The following RABGGTB variants were observed in gnomAD, a reference collection of about 807,000 sequenced individuals.
RABGGTB encodes Rab geranylgeranyltransferase subunit beta.
A neutral mutation model predicts 44.5 loss-of-function variants in RABGGTB; 20 were observed. The ratio of observed to expected loss-of-function variants is 0.45; its 90% CI spans 0.32 to 0.65. The LOEUF (loss-of-function observed/expected upper bound fraction) is 0.65. Ranked by LOEUF, RABGGTB falls within the 30% of genes least tolerant of loss-of-function variation. RABGGTB has a pLI of 0.05. For missense variants in RABGGTB, 302 were observed against 398.7 expected, an observed-to-expected ratio of 0.76 and a Z score of 2.06; for synonymous variants, 128 against 136.7, an observed-to-expected ratio of 0.94 and a Z score of 0.44.
rs538306436 is a variant in RABGGTB, at chr1:75,791,410, G to A, written c.469-51G>A. 2.2e-5 allele frequency: 33 copies of A among 1,519,442 alleles called. No homozygotes were observed. In the South Asian group the frequency reaches 3.6e-4, roughly 16 times the overall value. 94.1% of individuals were successfully genotyped at this position (1,519,442 alleles called of 1,614,324 possible). A position where few individuals can be genotyped will look rare whatever the true frequency, so the allele number is the denominator to read the frequency against. ...TGGAATTTTTTTTTTTTTTGAGTCT[G>A]ATCTGCTGAATACTCTGGAATTTAA... On this transcript the variant is annotated intron_variant, in intron 5 of 8. Coordinates refer to ENST00000319942, the MANE Select transcript of RABGGTB (RefSeq NM_004582.4).
At chr1:75,787,216 T>G in intron 1 of RABGGTB, 2 of 628,256 alleles carry the variant, frequency 3.2e-6, no homozygotes, top group Non-Finnish European at 5.9e-6. Context: ...TTGGATACAA[T>G]TTGTTGTTGT....
chr1:75,791,683 G>A (rs1251911346), intron 6 of RABGGTB, 112 bp downstream of exon 6: 23 of 866,184 alleles, frequency 2.7e-5, no homozygotes, highest in Middle Eastern at 3.5e-4. Context: ...TAATTCGACT[G>A]TAATAGGGCA....
chr1:75,787,555 A>C lies in RABGGTB; in HGVS notation c.62A>C (p.Glu21Ala). 6.2e-7 allele frequency: 1 copy of C among 1,614,014 alleles called. No homozygotes were observed. Among genetic ancestry groups the C allele is most frequent in the Non-Finnish European group, 8.5e-7 (1 of 1,179,894 alleles). ...GATGCACCGGACACTTTGTTATTGG[A>C]GAAACATGCAGATTATATCGCATCC... Reference protein sequence around the residue: ...KSDAPDTLLLEKHADYIASYG... With the variant: ...KSDAPDTLLLAKHADYIASYG... Residue 21 changes from glutamate (E) to alanine (A), a missense_variant, in exon 2 of 9, where the codon GAG becomes GCG. Physicochemically the swap from Glu to Ala is moderately radical, Grantham distance 107. Transcript: ENST00000319942.
rs1255278666 is a variant in RABGGTB at position 75,794,977 on chromosome 1, G to A, written c.*327G>A. 1 of 226,938 alleles carries A rather than the reference G, an allele frequency of 4.4e-6. No individual in the cohort carries two copies. Among genetic ancestry groups the A allele is most frequent in the African/African-American group, 2.3e-5 (1 of 42,554 alleles). 14.1% of individuals were successfully genotyped at this position (226,938 alleles called of 1,614,324 possible). On this transcript the variant is annotated 3_prime_UTR_variant, in exon 9 of 9. Coordinates refer to ENST00000319942, the MANE Select transcript of RABGGTB (RefSeq NM_004582.4). ...ATACCTTTCATCTGTTCTATAGCAAGTTGATGTAAATTGGTTTGTCAACAA... is the reference window on the plus strand; with the variant it reads ...ATACCTTTCATCTGTTCTATAGCAAATTGATGTAAATTGGTTTGTCAACAA...
intron 4 of RABGGTB, 154 bp from the exon 5 acceptor site, chr1:75,791,131 A>G: frequency 1.5e-6 from 1 of 654,960 alleles, no homozygotes; most frequent in Non-Finnish European, 2.7e-6. Flanking sequence ...CTTGGGAAGT[A>G]AAGGCACTTC....
Position 75,786,263 on chromosome 1 carries a change from C to G in RABGGTB, c.-9C>G, listed in dbSNP as rs376870769. 42 of 1,614,090 alleles carry G rather than the reference C, an allele frequency of 2.6e-5. No individual in the cohort carries two copies. In the Admixed American group the frequency reaches 6.2e-4, roughly 24 times the overall value. On this transcript the variant is annotated 5_prime_UTR_variant, in exon 1 of 9. Transcript: ENST00000319942. ...GAACTGACCCTGCTCTCTCCTTTCCCTGTTAGACATGGTAAGTGTGAGTTT... is the reference window on the plus strand; with the variant it reads ...GAACTGACCCTGCTCTCTCCTTTCCGTGTTAGACATGGTAAGTGTGAGTTT...
intron 2 of RABGGTB, chr1:75,788,169 A>G (rs1195671266): frequency 3.5e-6 from 1 of 281,902 alleles, no homozygotes; most frequent in African/African-American, 2.2e-5. Context: ...TAACCTTGAA[A>G]ATACTCTATT....
chr1:75,787,290 C>T, intron 1 of RABGGTB: 1 of 621,118 alleles, frequency 1.6e-6, no homozygotes, highest in Middle Eastern at 2.9e-4. Flanking sequence ...TGCAGTGACA[C>T]AACCTCAGTT....
At chr1:75,790,466 A>G in intron 4 of RABGGTB, 1 of 1,053,464 alleles carries the variant, frequency 9.5e-7, no homozygotes, top group Non-Finnish European at 1.1e-6. Flanking sequence ...AGTGCAGGCC[A>G]GAGAGACCAG....
intron 4 of RABGGTB, among the ~76,000 whole-genome samples, chr1:75,790,696 G>A (rs913956924): frequency 3.9e-5 from 6 of 152,112 alleles, no homozygotes; most frequent in African/African-American, 1.4e-4. Flanking sequence ...GGAGACAGTT[G>A]CTGGGGCTGG....
chr1:75,791,215 G>A, intron 4 of RABGGTB, 70 bp from the exon 5 acceptor site: 5 of 1,274,338 alleles, frequency 3.9e-6, no homozygotes, highest in Non-Finnish European at 4.6e-6. Context: ...TAGTTGTGCA[G>A]TGTTTGTTTT....
chr1:75,786,581 G>T, intron 1 of RABGGTB: 1 of 391,882 alleles, frequency 2.6e-6, no homozygotes, highest in Non-Finnish European at 4.6e-6. Flanking sequence ...TCTTGGAGAG[G>T]GGGTGTCAAA....
At position 75,786,291 on chromosome 1, in the gene RABGGTB, C is replaced by T. The variant is rs542326935; in HGVS notation, c.3+17C>T. 1 of 1,613,986 alleles carries T rather than the reference C, an allele frequency of 6.2e-7. No individual in the cohort carries two copies. Among genetic ancestry groups the T allele is most frequent in the African/African-American group, 1.3e-5 (1 of 74,912 alleles). The stretch of plus-strand genomic sequence containing the variant: ...TTAGACATGGTAAGTGTGAGTTTAG[C>T]GCTGCTGTCCGGATGGGTTGGTAGC... On this transcript the variant is annotated intron_variant, in intron 1 of 8. Transcript: ENST00000319942.
intron 7 of RABGGTB, 74 bp downstream of exon 7, chr1:75,792,380 C>A (rs1282218471): frequency 2.6e-6 from 4 of 1,565,302 alleles, no homozygotes; most frequent in Non-Finnish European, 3.5e-6. Flanking sequence ...TTGCCTGTTT[C>A]TATATTGTAA....
intron 4 of RABGGTB, 33 bp from the exon 5 acceptor site, chr1:75,791,252 C>T (rs1188944755): frequency 6.4e-7 from 1 of 1,565,192 alleles, no homozygotes; most frequent in Non-Finnish European, 8.8e-7. Flanking sequence ...GATTTGGTAA[C>T]ACCTGCCTTG....
chr1:75,787,250 T>G, intron 1 of RABGGTB: 1 of 636,854 alleles, frequency 1.6e-6, no homozygotes, highest in East Asian at 2.9e-5. Flanking sequence ...GTTTTGTTTT[T>G]GAGTCGGTCT....
At chr1:75,788,687 T>C (rs1649563059) in intron 2 of RABGGTB, 1 of 157,668 alleles carries the variant, frequency 6.3e-6, no homozygotes, top group Non-Finnish European at 1.4e-5. Flanking sequence ...AGCCACTGTT[T>C]TATCTGGGCT....
intron 3 of RABGGTB, 186 bp from the exon 4 acceptor site, chr1:75,789,766 C>T: frequency 5.2e-6 from 3 of 581,798 alleles, no homozygotes; most frequent in Non-Finnish European, 9.0e-6. Context: ...GAAAATTATA[C>T]TTTAAAGATT....
chr1:75,790,680 A>T (rs1222430718), intron 4 of RABGGTB, among the ~76,000 whole-genome samples: 1 of 152,000 alleles, frequency 6.6e-6, no homozygotes, highest in Non-Finnish European at 1.5e-5. Flanking sequence ...GGAGTGCAGT[A>T]TTTTGGGAGA....
Sources: allele counts gnomAD v4.1 joint callset (sites outside exome capture counted in the v4.1 genomes callset), GRCh38; gene constraint gnomAD v4.1.1; transcripts MANE v1.5; gene names NCBI Gene and HGNC (gene_info 2026-07-23, HGNC 2026-07-21).